Variants in NAV3 observed in about 807,000 individuals in gnomAD.
NAV3 encodes neuron navigator 3, also known as pore membrane and/or filament interacting like protein 1.
Under a neutral mutation model 244.7 loss-of-function variants are expected in NAV3, and 87 were observed. That is an observed-to-expected ratio of 0.36 (90% CI 0.30 to 0.42). The LOEUF (loss-of-function observed/expected upper bound fraction) is 0.42. Ranked by LOEUF, NAV3 falls within the 20% of genes least tolerant of loss-of-function variation. NAV3 has a pLI of 1.00. For missense variants in NAV3, 2,663 were observed against 2,893.3 expected, an observed-to-expected ratio of 0.92 and a Z score of 1.83; for synonymous variants, 1,126 against 1,042.2, an observed-to-expected ratio of 1.08 and a Z score of -1.55.
chr12:77,781,819 GCTT>G (rs1870675369), intron 2 of NAV3, among the ~76,000 whole-genome samples: 3 of 152,148 alleles, frequency 2.0e-5, no homozygotes, highest in African/African-American at 7.2e-5. Flanking sequence ...CATGGCATCT[GCTT>G]CTTCAAAGAG....
chr12:77,970,002 A>G (rs931576715), intron 5 of NAV3, among the ~76,000 whole-genome samples: 28 of 152,236 alleles, frequency 1.8e-4, no homozygotes, highest in Admixed American at 1.8e-3. Context: ...AATTTAGACT[A>G]TAGTCTAACA....
chr12:78,204,712 T>C (rs1452106797), intron 38 of NAV3, among the ~76,000 whole-genome samples: 1 of 152,140 alleles, frequency 6.6e-6, no homozygotes, highest in Non-Finnish European at 1.5e-5. Flanking sequence ...AGTTGACATC[T>C]ATTCCAAATA....
chr12:77,935,584 A>G (rs1339351623), intron 1 of NAV3, among the ~76,000 whole-genome samples: 1 of 152,230 alleles, frequency 6.6e-6, no homozygotes, highest in Non-Finnish European at 1.5e-5. Flanking sequence ...ACAATATTTA[A>G]CATAGTGAAA....
At chr12:77,763,761 A>G (rs1397387042) in intron 2 of NAV3, among the ~76,000 whole-genome samples, 1 of 152,236 alleles carries the variant, frequency 6.6e-6, no homozygotes, top group Non-Finnish European at 1.5e-5. Flanking sequence ...GTGTGTCATT[A>G]AGCTCCTTGG....
intron 2 of NAV3, among the ~76,000 whole-genome samples, chr12:77,792,370 T>G (rs1256350050): frequency 1.3e-5 from 2 of 152,196 alleles, no homozygotes; most frequent in Admixed American, 6.5e-5. Context: ...TTCCTTTATG[T>G]GCCCACCTAC....
At chr12:77,853,772 T>TAA (rs1432079859) in intron 1 of NAV3, among the ~76,000 whole-genome samples, 3 of 152,226 alleles carry the variant, frequency 2.0e-5, no homozygotes, top group Admixed American at 2.0e-4. Flanking sequence ...GGCAGACTTC[T>TAA]AAAAATCAGG....
At chr12:77,979,452 T>C (rs2136246619) in intron 5 of NAV3, among the ~76,000 whole-genome samples, 1 of 152,024 alleles carries the variant, frequency 6.6e-6, no homozygotes, top group East Asian at 1.9e-4. Context: ...GTCAGAATGA[T>C]CATTAGATTA....
intron 1 of NAV3, among the ~76,000 whole-genome samples, chr12:77,855,228 A>G (rs1878212146): frequency 6.6e-6 from 1 of 152,240 alleles, no homozygotes; most frequent in Non-Finnish European, 1.5e-5. Context: ...TAAAAATTAT[A>G]ATTGTCTAAA....
At chr12:78,099,765 A>C (rs1327145305) in intron 12 of NAV3, among the ~76,000 whole-genome samples, 1 of 151,916 alleles carries the variant, frequency 6.6e-6, no homozygotes, top group Non-Finnish European at 1.5e-5. Context: ...ATTTGTAATA[A>C]AATTACTTTA....
At chr12:78,128,282 AC>A (rs1322389820) in intron 17 of NAV3, among the ~76,000 whole-genome samples, 23 of 150,140 alleles carry the variant, frequency 1.5e-4, no homozygotes, top group African/African-American at 4.4e-4. Flanking sequence ...AAAAAAAAAA[AC>A]AAAAGCTGCC....
intron 2 of NAV3, among the ~76,000 whole-genome samples, chr12:77,791,276 C>T (rs1178769293): frequency 6.6e-6 from 1 of 150,722 alleles, no homozygotes; most frequent in Non-Finnish European, 1.5e-5. Context: ...ATTGCTTGAA[C>T]CCGGGAGGTG....
intron 2 of NAV3, among the ~76,000 whole-genome samples, chr12:77,778,870 AAAG>A (rs1565810603): frequency 6.6e-6 from 1 of 152,212 alleles, no homozygotes; most frequent in African/African-American, 2.4e-5. Context: ...TTTGGGACAA[AAAG>A]AAGCTGAATC....
chr12:77,734,561 A>G (rs1248626325), intron 2 of NAV3, among the ~76,000 whole-genome samples: 2 of 152,160 alleles, frequency 1.3e-5, no homozygotes, highest in African/African-American at 4.8e-5. Flanking sequence ...AAAGATGCGT[A>G]TTTTGTTGTA....
At chr12:77,669,422 A>T (rs1390455739) in intron 2 of NAV3, among the ~76,000 whole-genome samples, 1 of 152,192 alleles carries the variant, frequency 6.6e-6, no homozygotes, top group Non-Finnish European at 1.5e-5. Context: ...GTGGATAAGA[A>T]TTCAACAACC....
At chr12:77,969,841 CAA>C (rs1892849497) in intron 5 of NAV3, among the ~76,000 whole-genome samples, 1 of 151,938 alleles carries the variant, frequency 6.6e-6, no homozygotes, top group African/African-American at 2.4e-5. Context: ...AGTAAACAAA[CAA>C]ACAAACAAAA....
At position 77,766,491 on chromosome 12, in the gene NAV3, G is replaced by A. The variant is rs1869758343; in HGVS notation, c.73-173828G>A. On this transcript the variant is annotated intron_variant, in intron 2 of 8. Coordinates refer to the NAV3 transcript ENST00000550042. ...CTAAATACACATTCATCAACTTGCT[G>A]TCTAATGTGGATAATGGCCAAGGGA... Among the ~76,000 whole-genome samples the A allele has an allele frequency of 3.3e-5, 5 of 152,116 alleles. No individual in the cohort carries two copies. In the South Asian group the frequency reaches 1.0e-3, roughly 32 times the overall value.
chr12:77,823,838 G>A (rs1334281106), intron 2 of NAV3, among the ~76,000 whole-genome samples: 1 of 152,150 alleles, frequency 6.6e-6, no homozygotes, highest in Non-Finnish European at 1.5e-5. Flanking sequence ...ACAAGTTGTT[G>A]TTAAAACAAC....
At chr12:77,884,191 A>G (rs2136651232) in intron 1 of NAV3, among the ~76,000 whole-genome samples, 1 of 152,264 alleles carries the variant, frequency 6.6e-6, no homozygotes, top group East Asian at 1.9e-4. Flanking sequence ...TCCAAAAAGA[A>G]CCAGTAGAAT....
intron 1 of NAV3, among the ~76,000 whole-genome samples, chr12:77,870,754 T>C (rs150776765): frequency 2.0e-4 from 30 of 152,140 alleles, no homozygotes; most frequent in Non-Finnish European, 4.0e-4. Flanking sequence ...ATCTAATCCA[T>C]GAGGATCATA....
Sources: gnomAD v4.1 joint callset for allele counts (sites outside exome capture counted in the v4.1 genomes callset) on GRCh38, gnomAD v4.1.1 for gene constraint, MANE v1.5 for transcripts, NCBI Gene and HGNC (gene_info 2026-07-23, HGNC 2026-07-21) for gene names.